The following COL25A1 variants were observed in gnomAD, a reference collection of about 807,000 sequenced individuals.
COL25A1 encodes the protein collagen alpha-1(XXV) chain.
A neutral mutation model predicts 128.4 loss-of-function variants in COL25A1; 103 were observed. That is an observed-to-expected ratio of 0.80 (90% confidence interval 0.68 to 0.94). The LOEUF (loss-of-function observed/expected upper bound fraction) is 0.94, where lower values mean the gene tolerates loss of function less well. COL25A1 is among the 40% of genes least tolerant of loss of function. The pLI is 0.00. For missense variants in COL25A1, 745 were observed against 840.0 expected (o/e 0.89, Z 1.40); for synonymous variants, 279 against 277.2 (o/e 1.01, Z -0.06).
rs372698268 is a variant in COL25A1 at position 109,244,087 on chromosome 4, A to T, written c.367+56496T>A. ...ACTTTTGTTGATCTCACAGTCATAC[A>T]CAAACACTGTCCTCTTTATCTATCC... On this transcript the variant is annotated intron_variant, in intron 3 of 37. Transcript: ENST00000399132. 1.1e-4 allele frequency among the ~76,000 whole-genome samples: 16 copies of T among 152,076 alleles called. No homozygotes were observed. In the East Asian group the frequency reaches 2.1e-3, roughly 20 times the overall value.
intron 13 of COL25A1, among the ~76,000 whole-genome samples, chr4:108,915,330 G>A (rs1029135747): frequency 6.6e-6 from 1 of 152,198 alleles, no homozygotes; most frequent in Middle Eastern, 3.4e-3. Flanking sequence ...GGGAAACAAA[G>A]CATTTTTGTC....
chr4:109,059,846 G>A (rs1425351), intron 3 of COL25A1, among the ~76,000 whole-genome samples: 15,046 of 152,188 alleles, frequency 0.099, 1,034 homozygotes, highest in African/African-American at 0.18. Context: ...TTGGCACATA[G>A]TTAAATGTTA....
At chr4:109,099,794 T>C (rs979736682) in intron 3 of COL25A1, among the ~76,000 whole-genome samples, 1 of 151,896 alleles carries the variant, frequency 6.6e-6, no homozygotes, top group Non-Finnish European at 1.5e-5. Flanking sequence ...CAAAAATAGT[T>C]AATGTGAAAG....
At chr4:109,012,133 C>T (rs915272565) in intron 5 of COL25A1, among the ~76,000 whole-genome samples, 5 of 152,212 alleles carry the variant, frequency 3.3e-5, no homozygotes, top group African/African-American at 1.2e-4. Context: ...TGACTTCAGC[C>T]TCCCAAGTAC....
chr4:109,199,101 A>T (rs751421783), intron 3 of COL25A1, among the ~76,000 whole-genome samples: 5 of 152,120 alleles, frequency 3.3e-5, no homozygotes, highest in South Asian at 4.2e-4. Flanking sequence ...AGCACTTGAC[A>T]TTTTTTTTAT....
intron 5 of COL25A1, among the ~76,000 whole-genome samples, chr4:109,019,599 C>T (rs1757542234): frequency 6.6e-6 from 1 of 151,758 alleles, no homozygotes; most frequent in Admixed American, 6.6e-5. Flanking sequence ...GGAAAACCGC[C>T]TTATAAAACC....
At chr4:109,291,760 T>C (rs1438520219) in intron 3 of COL25A1, among the ~76,000 whole-genome samples, 1 of 152,034 alleles carries the variant, frequency 6.6e-6, no homozygotes, top group East Asian at 1.9e-4. Context: ...AACAATATTG[T>C]CACTTGAAGT....
chr4:109,225,996 TACACACAC>T (rs10642927), intron 3 of COL25A1, among the ~76,000 whole-genome samples: 6,945 of 147,038 alleles, frequency 0.047, 233 homozygotes, highest in Non-Finnish European at 0.068. Context: ...GTATTTGTAA[TACACACAC>T]ACACACACAC....
At chr4:109,268,163 C>A (rs1781917771) in intron 3 of COL25A1, among the ~76,000 whole-genome samples, 1 of 152,132 alleles carries the variant, frequency 6.6e-6, no homozygotes, top group East Asian at 1.9e-4. Flanking sequence ...TTTATCAAAG[C>A]ACAATTACTT....
Position 108,812,244 on chromosome 4 carries a change from T to A in COL25A1, c.*1683A>T, listed in dbSNP as rs1730852520. 6.6e-6 allele frequency: 1 copy of A among 152,194 alleles called. No homozygotes were observed. The allele number at this position is 152,194 out of a possible 1,614,324, so 9.4% of individuals were successfully genotyped here. On this transcript the variant is annotated 3_prime_UTR_variant, in exon 38 of 38. Transcript: ENST00000399132. ...AACTATATTTCACAGCTTTCTGAGA[T>A]CTTAGATTTGGTCTGTGGATATGAG...
intron 3 of COL25A1, among the ~76,000 whole-genome samples, chr4:109,052,570 A>T (rs1761094783): frequency 6.6e-6 from 1 of 152,242 alleles, no homozygotes; most frequent in Non-Finnish European, 1.5e-5. Flanking sequence ...TTGGAATCAG[A>T]AAACTGCAGG....
chr4:109,301,881 C>T lies in COL25A1; in HGVS notation c.139G>A (p.Val47Met), dbSNP rs779209945. Reference protein sequence around the residue: ...LAALLSVVAVVSCLYLGVKTN... With the variant: ...LAALLSVVAVMSCLYLGVKTN... The stretch of plus-strand genomic sequence containing the variant: ...TTCACACCCAGGTACAGGCAAGACA[C>T]CACGGCCACCACTGACAGGAGGGCC... Residue 47 changes from valine (V) to methionine (M), a missense_variant, in exon 2 of 38, where the codon GTG becomes ATG. Coordinates refer to ENST00000399132, the MANE Select transcript of COL25A1 (RefSeq NM_198721.4). The T allele has an allele frequency of 5.6e-6, 9 of 1,614,198 alleles. 1 individual carries two copies. The South Asian group carries it at 7.7e-5, about 14-fold the overall frequency.
At chr4:109,239,033 G>C (rs1779656188) in intron 3 of COL25A1, among the ~76,000 whole-genome samples, 1 of 151,878 alleles carries the variant, frequency 6.6e-6, no homozygotes. Context: ...GGCCCAATAA[G>C]GGCAATGACA....
chr4:109,063,782 G>A (rs996223162), intron 3 of COL25A1, among the ~76,000 whole-genome samples: 71 of 152,054 alleles, frequency 4.7e-4, no homozygotes, highest in African/African-American at 1.4e-3. Flanking sequence ...AGTAAGCCCC[G>A]TCCAGATTAT....
chr4:109,254,509 A>ATATATATATG (rs59126671), intron 3 of COL25A1, among the ~76,000 whole-genome samples: 98 of 104,494 alleles, frequency 9.4e-4, no homozygotes, highest in African/African-American at 3.4e-3. Context: ...ATATATATGT[A>ATATATATATG]TGTGTGTATA....
intron 16 of COL25A1, among the ~76,000 whole-genome samples, chr4:108,893,692 A>G (rs1741792212): frequency 6.6e-6 from 1 of 152,226 alleles, no homozygotes. Flanking sequence ...ATGGCAGAAA[A>G]GAAGGATTTT....
intron 26 of COL25A1, 139 bp from the exon 27 acceptor site, chr4:108,848,942 G>A (rs1253826466): frequency 3.1e-6 from 2 of 649,886 alleles, no homozygotes; most frequent in Non-Finnish European, 5.5e-6. Context: ...TTCTATTATA[G>A]CACATATCTA....
chr4:108,910,636 T>C (rs142854815), intron 13 of COL25A1, among the ~76,000 whole-genome samples: 10 of 152,322 alleles, frequency 6.6e-5, no homozygotes, highest in East Asian at 5.8e-4. Flanking sequence ...AGTGGAAGCA[T>C]ACTGCCTGGC....
Position 109,181,687 on chromosome 4 carries a change from C to T in COL25A1, c.367+118896G>A, listed in dbSNP as rs1774640455. Among the ~76,000 whole-genome samples the T allele has an allele frequency of 3.3e-5, 5 of 152,188 alleles. No homozygotes were observed. In the South Asian group the frequency reaches 1.0e-3, roughly 32 times the overall value. Reference sequence around the variant, plus strand: ...CTAATAATTAACAAATGTATTACCTCACATACTTATTTTGCTTTGATGAGA... The same window carrying T: ...CTAATAATTAACAAATGTATTACCTTACATACTTATTTTGCTTTGATGAGA... On this transcript the variant is annotated intron_variant, in intron 3 of 37. Coordinates refer to ENST00000399132, the MANE Select transcript of COL25A1 (RefSeq NM_198721.4).
Sources: gnomAD v4.1 joint callset for allele counts (sites outside exome capture counted in the v4.1 genomes callset) on GRCh38, gnomAD v4.1.1 for gene constraint, MANE v1.5 for transcripts, NCBI Gene and HGNC (gene_info 2026-07-23, HGNC 2026-07-21) for gene names.